The following MYO9A variants were observed in gnomAD, a reference collection of about 807,000 sequenced individuals.
The protein encoded by MYO9A is myosin IXA.
In MYO9A, 103 loss-of-function variants were observed where a neutral mutation model predicts 293.3. The observed-to-expected ratio is 0.35, with a 90% CI of 0.30 to 0.41. MYO9A has a LOEUF of 0.41. MYO9A is among the 10% of genes least tolerant of loss of function. MYO9A has a pLI of 1.00. For missense variants in MYO9A, 2,685 were observed against 3,033.0 expected, an observed-to-expected ratio of 0.89 and a Z score of 2.69; for synonymous variants, 1,001 against 1,035.7, an observed-to-expected ratio of 0.97 and a Z score of 0.64.
chr15:71,842,874 A>T (rs947705748), intron 39 of MYO9A, among the ~76,000 whole-genome samples: 12 of 148,278 alleles, frequency 8.1e-5, no homozygotes, highest in Admixed American at 2.7e-4. Context: ...AAAAAAAAAA[A>T]TTTCTATATG....
At chr15:71,842,147 C>A (rs1025193211) in intron 39 of MYO9A, among the ~76,000 whole-genome samples, 1 of 150,302 alleles carries the variant, frequency 6.7e-6, no homozygotes, top group Non-Finnish European at 1.5e-5. Flanking sequence ...CCAAGGAGGG[C>A]AGATCACCTG....
intron 19 of MYO9A, among the ~76,000 whole-genome samples, chr15:71,906,799 T>C (rs1047076030): frequency 1.4e-4 from 20 of 139,156 alleles, no homozygotes; most frequent in African/African-American, 5.3e-4. Context: ...TGTCTCGCTC[T>C]GTCACCCAGG....
chr15:71,854,014 T>C (rs1232558255), intron 35 of MYO9A, among the ~76,000 whole-genome samples: 1 of 152,216 alleles, frequency 6.6e-6, no homozygotes, highest in Non-Finnish European at 1.5e-5. Flanking sequence ...AGGATTGTTG[T>C]GAATATTATA....
Position 71,893,643 on chromosome 15 carries a change from G to A in MYO9A, c.5142+36C>T, listed in dbSNP as rs1219132942. ...TTCCAAAATAATGTACATCTCTTTT[G>A]TATAGAAGATAGATAAACAAAAACT... On this transcript the variant is annotated intron_variant, in intron 26 of 41. Transcript: ENST00000356056. 4 of 1,495,526 alleles carry A rather than the reference G, an allele frequency of 2.7e-6. No homozygotes were observed. The South Asian group carries it at 4.5e-5, about 17-fold the overall frequency. 92.6% of individuals were successfully genotyped at this position (1,495,526 alleles called of 1,614,324 possible). A position where few individuals can be genotyped will look rare whatever the true frequency, so the allele number is the denominator to read the frequency against.
intron 11 of MYO9A, among the ~76,000 whole-genome samples, chr15:71,988,472 A>G (rs1025840072): frequency 1.3e-5 from 2 of 152,220 alleles, no homozygotes; most frequent in African/African-American, 2.4e-5. Context: ...TATCTTTCCA[A>G]AGCTCTAGGG....
rs974736087 is a variant in MYO9A at position 71,826,516 on chromosome 15, C to T, written c.*64G>A. ...GACTATTGTGGACGAGGTGATGAAA[C>T]GCAGCCCCAAAGGTGAGATTTGTTT... On this transcript the variant is annotated 3_prime_UTR_variant, in exon 42 of 42. Transcript: ENST00000356056. 7 of 1,458,036 alleles carry T rather than the reference C, an allele frequency of 4.8e-6. No individual in the cohort carries two copies. Among genetic ancestry groups the T allele is most frequent in the Middle Eastern group, 2.5e-4 (1 of 3,926 alleles). The allele number at this position is 1,458,036 out of a possible 1,614,324, so 90.3% of individuals were successfully genotyped here. A position where few individuals can be genotyped will look rare whatever the true frequency, so the allele number is the denominator to read the frequency against.
At chr15:72,035,740 G>A (rs1566969710) in intron 2 of MYO9A, among the ~76,000 whole-genome samples, 1 of 152,242 alleles carries the variant, frequency 6.6e-6, no homozygotes, top group East Asian at 1.9e-4. Context: ...AGAAGGTCGA[G>A]GCAGCAGTAA....
intron 26 of MYO9A, chr15:71,890,971 C>T (rs1206105578): frequency 3.3e-5 from 5 of 152,152 alleles, no homozygotes; most frequent in African/African-American, 7.2e-5. Flanking sequence ...AGACACAATA[C>T]ATCTTCATCT....
intron 3 of MYO9A, among the ~76,000 whole-genome samples, chr15:72,028,028 T>C (rs1397681292): frequency 6.6e-6 from 1 of 150,618 alleles, no homozygotes; most frequent in African/African-American, 2.4e-5. Context: ...TGAAACCCCA[T>C]CTCTAATAAA....
intron 4 of MYO9A, among the ~76,000 whole-genome samples, chr15:72,023,866 G>A (rs2077582678): frequency 6.6e-6 from 1 of 152,078 alleles, no homozygotes; most frequent in African/African-American, 2.4e-5. Context: ...GAACTCTAGA[G>A]AGTATAAACT....
chr15:71,985,254 C>A (rs1439217659), intron 11 of MYO9A, among the ~76,000 whole-genome samples: 2 of 152,046 alleles, frequency 1.3e-5, no homozygotes, highest in Non-Finnish European at 2.9e-5. Flanking sequence ...GCTGGTTTGC[C>A]TCCATGTATG....
chr15:72,099,422 C>CAAAAAAAAAA (rs57019438), intron 1 of MYO9A, among the ~76,000 whole-genome samples: 4 of 90,188 alleles, frequency 4.4e-5, no homozygotes, highest in Admixed American at 1.4e-4. Flanking sequence ...GACCCTGCCC[C>CAAAAAAAAAA]AAAAAAAAAA....
intron 33 of MYO9A, among the ~76,000 whole-genome samples, chr15:71,861,688 A>C (rs936133551): frequency 7.5e-5 from 11 of 145,802 alleles, no homozygotes; most frequent in South Asian, 4.2e-4. Context: ...ATAAAAAAAA[A>C]AAAAAAAAAA....
intron 4 of MYO9A, 141 bp from the exon 5 acceptor site, chr15:72,021,158 G>A (rs1011049631): frequency 5.9e-5 from 32 of 545,910 alleles, no homozygotes; most frequent in Middle Eastern, 2.8e-4. Context: ...TAAATTCAGC[G>A]TTTAAGTACT....
In MYO9A at chr15:71,897,925, C is replaced by T. The variant is rs777586648; in HGVS notation, c.4578G>A (p.Glu1526=). ...IRQQTDILEK[E]RKAFKTIEKP... is the part of the protein sequence containing the mutation. ...TTTCAATTGTCTTGAAGGCTTTGCG[C>T]TCCTTCTCTAAAATATCTGTTTGCT... Residue 1526 remains glutamate, a synonymous_variant, in exon 25 of 42, where the codon GAG becomes GAA. Coordinates refer to ENST00000356056, the MANE Select transcript of MYO9A (RefSeq NM_006901.4). 1.2e-6 allele frequency: 2 copies of T among 1,614,176 alleles called. No individual in the cohort carries two copies. Among genetic ancestry groups the T allele is most frequent in the South Asian group, 1.1e-5 (1 of 91,086 alleles).
chr15:72,072,503 G>A (rs1232761268), intron 1 of MYO9A, among the ~76,000 whole-genome samples: 2 of 152,126 alleles, frequency 1.3e-5, no homozygotes, highest in Non-Finnish European at 2.9e-5. Flanking sequence ...AATCATCAAT[G>A]TAAGTGCCCA....
chr15:71,973,440 C>A (rs965437381), intron 12 of MYO9A, among the ~76,000 whole-genome samples: 1 of 151,942 alleles, frequency 6.6e-6, no homozygotes, highest in Admixed American at 6.6e-5. Context: ...TAAATGCTAC[C>A]GTGGAAAACA....
upstream of MYO9A, chr15:72,118,177 A>G (rs998448525): frequency 7.1e-5 from 26 of 364,918 alleles, no homozygotes; most frequent in Admixed American, 2.3e-4. Flanking sequence ...CCCTACTGCC[A>G]GCACGGGTCG....
At chr15:71,916,100 G>A (rs2058004381) in intron 19 of MYO9A, among the ~76,000 whole-genome samples, 1 of 151,948 alleles carries the variant, frequency 6.6e-6, no homozygotes, top group African/African-American at 2.4e-5. Flanking sequence ...AGGCAGATTT[G>A]TTTATAACAT....
Sources: allele counts gnomAD v4.1 joint callset (sites outside exome capture counted in the v4.1 genomes callset), GRCh38; gene constraint gnomAD v4.1.1; transcripts MANE v1.5; gene names NCBI Gene and HGNC (gene_info 2026-07-23, HGNC 2026-07-21).